The following LMNTD1 variants were observed in gnomAD, a reference collection of about 807,000 sequenced individuals.
LMNTD1 encodes the protein lamin tail domain-containing protein 1.
A neutral mutation model predicts 50.9 loss-of-function variants in LMNTD1; 35 were observed. The observed-to-expected ratio is 0.69, with a 90% CI of 0.53 to 0.91. The LOEUF is 0.91. Among genes scored for constraint, LMNTD1 ranks in the 40% least tolerant of loss-of-function variants. LMNTD1 has a pLI of 0.00. For synonymous variants in LMNTD1, 153 were observed against 161.9 expected, an observed-to-expected ratio of 0.94 and a Z score of 0.42; for missense variants, 470 against 475.5, an observed-to-expected ratio of 0.99 and a Z score of 0.11.
intron 2 of LMNTD1, among the ~76,000 whole-genome samples, chr12:25,551,013 C>T (rs144693388): frequency 8.9e-4 from 135 of 152,156 alleles, no homozygotes; most frequent in African/African-American, 3.2e-3. Context: ...TGAGTATGAC[C>T]GTAGAGGTAG....
intron 1 of LMNTD1, among the ~76,000 whole-genome samples, chr12:25,572,097 C>CT (rs1944822397): frequency 1.3e-5 from 2 of 152,246 alleles, no homozygotes; most frequent in Admixed American, 1.3e-4. Flanking sequence ...CATTGATTTG[C>CT]TATGAGAACT....
At chr12:25,539,636 T>C (rs1473054409) in intron 4 of LMNTD1, among the ~76,000 whole-genome samples, 4 of 151,350 alleles carry the variant, frequency 2.6e-5, no homozygotes, top group Non-Finnish European at 4.4e-5. Context: ...AGATCCAAAA[T>C]TGATACCCTA....
chr12:25,632,253 C>T (rs573181047), intron 1 of LMNTD1, among the ~76,000 whole-genome samples: 25 of 152,266 alleles, frequency 1.6e-4, no homozygotes, highest in African/African-American at 5.5e-4. Context: ...GGAAAACTTC[C>T]CTGGCCTTGC....
intron 8 of LMNTD1, 148 bp from the exon 9 acceptor site, chr12:25,503,948 G>T (rs1939544936): frequency 3.7e-6 from 2 of 545,660 alleles, no homozygotes; most frequent in Non-Finnish European, 6.4e-6. Flanking sequence ...TTCACTTGAA[G>T]AAGAAATTTG....
At chr12:25,633,540 A>G (rs1946763959) in intron 1 of LMNTD1, among the ~76,000 whole-genome samples, 1 of 152,226 alleles carries the variant, frequency 6.6e-6, no homozygotes, top group Non-Finnish European at 1.5e-5. Context: ...AAACCAAGCA[A>G]ACACAAGGAA....
rs765394361 is a variant in LMNTD1, at chr12:25,520,046, C to T, written c.828G>A (p.Trp276Ter). 5 of 1,611,832 alleles carry T rather than the reference C, an allele frequency of 3.1e-6. No individual in the cohort carries two copies. In the South Asian group the frequency reaches 3.3e-5, roughly 11 times the overall value. Residue 276 changes from tryptophan to a stop codon, truncating the protein, a stop_gained, in exon 7 of 10, where the codon TGG becomes TGA. Coordinates refer to ENST00000458174, the MANE Select transcript of LMNTD1 (RefSeq NM_001145728.2). LOFTEE classifies it high-confidence loss of function. The stretch of plus-strand genomic sequence containing the variant: ...CATCTAATTTTTCCCACGCTTGCTT[C>T]CAGTGGATAGGGGTGTACCACGCAA... ...QAIAWYTPIHWKQAWEKLDAD... is the reference protein window; with the variant it reads ...QAIAWYTPIH
In LMNTD1 at chr12:25,476,243, C is replaced by G. The variant is rs1938259862; in HGVS notation, c.*240G>C. On this transcript the variant is annotated 3_prime_UTR_variant, in exon 10 of 10. Transcript: ENST00000458174. ...ATAATACTAACCATCTGCTTGTTTT[C>G]TGCAGGGATTTGGAAGGCAGGAGTG... The G allele has an allele frequency of 6.6e-6, 1 of 152,198 alleles. No individual in the cohort carries two copies. The highest frequency in any genetic ancestry group is 2.4e-5 in the African/African-American group (1 of 41,444). The allele number at this position is 152,198 out of a possible 1,614,324, so 9.4% of individuals were successfully genotyped here.
At chr12:25,540,612 CAAT>C (rs1411665980) in intron 4 of LMNTD1, among the ~76,000 whole-genome samples, 1 of 140,550 alleles carries the variant, frequency 7.1e-6, no homozygotes, top group Non-Finnish European at 1.6e-5. Context: ...AACCCACAGC[CAAT>C]ATCATACTGA....
intron 8 of LMNTD1, among the ~76,000 whole-genome samples, chr12:25,510,964 A>G (rs10160950): frequency 0.18 from 28,012 of 152,082 alleles, 2,757 homozygotes; most frequent in Middle Eastern, 0.24. Flanking sequence ...TATTACTGAG[A>G]ACACATATTA....
At chr12:25,509,654 G>C (rs991466702) in intron 8 of LMNTD1, among the ~76,000 whole-genome samples, 9 of 152,096 alleles carry the variant, frequency 5.9e-5, no homozygotes, top group African/African-American at 2.2e-4. Flanking sequence ...TTGGACATAG[G>C]GTATTCGGAG....
chr12:25,607,715 C>A (rs1450881333), intron 1 of LMNTD1, among the ~76,000 whole-genome samples: 2 of 152,162 alleles, frequency 1.3e-5, no homozygotes, highest in African/African-American at 4.8e-5. Flanking sequence ...ATTGTGATTT[C>A]TGTTCTTTTA....
intron 4 of LMNTD1, among the ~76,000 whole-genome samples, chr12:25,539,563 G>A (rs1357619390): frequency 5.3e-5 from 8 of 151,660 alleles, no homozygotes; most frequent in South Asian, 2.1e-4. Context: ...TCTCTGGGAC[G>A]CATTCAAAGC....
chr12:25,611,309 C>G (rs767295129), intron 1 of LMNTD1, among the ~76,000 whole-genome samples: 6 of 152,126 alleles, frequency 3.9e-5, no homozygotes, highest in Non-Finnish European at 8.8e-5. Flanking sequence ...TTTTTAAAAA[C>G]ATTACTAATC....
chr12:25,501,929 C>A (rs148667918), intron 9 of LMNTD1, among the ~76,000 whole-genome samples: 50 of 152,266 alleles, frequency 3.3e-4, no homozygotes, highest in African/African-American at 1.1e-3. Context: ...GTGAAGGGCA[C>A]ATTGATGATC....
At chr12:25,484,976 T>A (rs1938574847) in intron 9 of LMNTD1, among the ~76,000 whole-genome samples, 1 of 152,074 alleles carries the variant, frequency 6.6e-6, no homozygotes, top group Non-Finnish European at 1.5e-5. Flanking sequence ...TGTGTGCATG[T>A]GTCTTTATAG....
chr12:25,632,153 TG>T (rs1946732862), intron 1 of LMNTD1, among the ~76,000 whole-genome samples: 2 of 152,220 alleles, frequency 1.3e-5, no homozygotes, highest in Non-Finnish European at 2.9e-5. Flanking sequence ...TCTGGGATTA[TG>T]GTAAATGACC....
intron 1 of LMNTD1, chr12:25,586,190 ATT>A (rs1351509056): frequency 6.6e-6 from 1 of 151,832 alleles, no homozygotes; most frequent in South Asian, 2.1e-4. Context: ...TTGTTTTAAT[ATT>A]TGTTTTTTTT....
intron 8 of LMNTD1, among the ~76,000 whole-genome samples, chr12:25,517,739 A>C (rs1162027829): frequency 2.7e-5 from 1 of 37,628 alleles, no homozygotes. Context: ...AATAATAATA[A>C]TAATAATAAA....
At chr12:25,527,025 G>T (rs1941773049) in intron 4 of LMNTD1, 70 bp from the exon 5 acceptor site, 8 of 1,092,186 alleles carry the variant, frequency 7.3e-6, no homozygotes, top group Non-Finnish European at 9.1e-6. Flanking sequence ...TTTAAGAAGT[G>T]ATTAATAAAC....
Sources: allele counts gnomAD v4.1 joint callset (sites outside exome capture counted in the v4.1 genomes callset), GRCh38; gene constraint gnomAD v4.1.1; transcripts MANE v1.5; gene names NCBI Gene and HGNC (gene_info 2026-07-23, HGNC 2026-07-21).